The following PBX1 variants were observed in gnomAD, a reference collection of about 807,000 sequenced individuals.
PBX1 encodes pre-B-cell leukemia transcription factor 1.
PBX1 carries 6 observed loss-of-function variants against 53.4 expected under a neutral mutation model. That is an observed-to-expected ratio of 0.11 (90% confidence interval 0.06 to 0.22). The LOEUF (loss-of-function observed/expected upper bound fraction) is 0.22. Ranked by LOEUF, PBX1 falls within the 10% of genes least tolerant of loss-of-function variation. PBX1 has a pLI of 1.00. For synonymous variants in PBX1, 204 were observed against 212.3 expected (o/e 0.96, Z 0.34); for missense variants, 251 against 551.4 (o/e 0.46, Z 5.46).
chr1:164,658,860 T>G (rs1332576332), intron 2 of PBX1, among the ~76,000 whole-genome samples: 1 of 152,230 alleles, frequency 6.6e-6, no homozygotes, highest in Admixed American at 6.5e-5. Flanking sequence ...GAGGCTCTTA[T>G]TATCCCCATT....
At chr1:164,747,336 C>T (rs2035715) in intron 2 of PBX1, among the ~76,000 whole-genome samples, 70,144 of 148,676 alleles carry the variant, frequency 0.47, 16,595 homozygotes, top group South Asian at 0.64. Context: ...TATATATATA[C>T]ACACACACAC....
At chr1:164,590,559 C>A in intron 2 of PBX1, 1 of 440,448 alleles carries the variant, frequency 2.3e-6, no homozygotes, top group Non-Finnish European at 4.6e-6. Flanking sequence ...TCTTACTTGG[C>A]ATTGTGACCA....
intron 2 of PBX1, among the ~76,000 whole-genome samples, chr1:164,872,136 G>T (rs1418572134): frequency 6.6e-6 from 1 of 152,178 alleles, no homozygotes; most frequent in Non-Finnish European, 1.5e-5. Flanking sequence ...TTTTACAGAT[G>T]ATTTGTGGGG....
At chr1:164,863,492 G>T (rs961103042) in intron 2 of PBX1, among the ~76,000 whole-genome samples, 1 of 152,128 alleles carries the variant, frequency 6.6e-6, no homozygotes, top group South Asian at 2.1e-4. Context: ...GTCTAGTGGG[G>T]GTATCTAATA....
intron 2 of PBX1, among the ~76,000 whole-genome samples, chr1:164,706,527 C>T (rs1663435042): frequency 6.6e-6 from 1 of 152,132 alleles, no homozygotes; most frequent in South Asian, 2.1e-4. Context: ...CTACTAATGT[C>T]CATTCTAGTA....
intron 8 of PBX1, among the ~76,000 whole-genome samples, chr1:164,823,619 G>C (rs1170864901): frequency 1.1e-5 from 1 of 90,182 alleles, no homozygotes; most frequent in Non-Finnish European, 2.0e-5. Flanking sequence ...CTGGGGGGTG[G>C]GGGGGGGGGT....
intron 2 of PBX1, among the ~76,000 whole-genome samples, chr1:164,587,220 A>T (rs769073003): frequency 3.3e-5 from 5 of 152,170 alleles, no homozygotes; most frequent in Non-Finnish European, 7.3e-5. Flanking sequence ...TAAAAAGTGT[A>T]TGGGTGTGAT....
intron 2 of PBX1, among the ~76,000 whole-genome samples, chr1:164,879,912 C>T (rs1437107043): frequency 6.6e-6 from 1 of 152,140 alleles, no homozygotes; most frequent in African/African-American, 2.4e-5. Context: ...GCTGGGGGTG[C>T]TCCTTTACCT....
At chr1:164,695,639 G>A (rs934372845) in intron 2 of PBX1, among the ~76,000 whole-genome samples, 2 of 152,102 alleles carry the variant, frequency 1.3e-5, no homozygotes, top group East Asian at 1.9e-4. Flanking sequence ...TAGCATGTTC[G>A]TTTCCCCGTT....
intron 2 of PBX1, among the ~76,000 whole-genome samples, chr1:164,756,435 G>A (rs771052021): frequency 3.4e-4 from 52 of 152,208 alleles, no homozygotes; most frequent in Middle Eastern, 3.4e-3. Context: ...TAATTTACAC[G>A]TTTGTACACA....
At chr1:164,872,454 GA>G (rs1387795802) in intron 2 of PBX1, among the ~76,000 whole-genome samples, 1 of 152,152 alleles carries the variant, frequency 6.6e-6, no homozygotes, top group Non-Finnish European at 1.5e-5. Context: ...GAGCCTCCTT[GA>G]GCTTCTCTTG....
intron 2 of PBX1, among the ~76,000 whole-genome samples, chr1:164,651,436 C>T (rs1434376723): frequency 3.3e-5 from 5 of 152,206 alleles, no homozygotes; most frequent in Admixed American, 2.0e-4. Flanking sequence ...TCCCTACCCT[C>T]CGATGTCATT....
intron 2 of PBX1, among the ~76,000 whole-genome samples, chr1:164,871,866 T>TATAAG (rs751755845): frequency 6.6e-6 from 1 of 151,996 alleles, no homozygotes; most frequent in Non-Finnish European, 1.5e-5. Flanking sequence ...TCATAGCACA[T>TATAAG]GTTTAAACAA....
intron 8 of PBX1, among the ~76,000 whole-genome samples, chr1:164,844,160 T>G (rs2102415630): frequency 6.6e-6 from 1 of 151,254 alleles, no homozygotes; most frequent in Non-Finnish European, 1.5e-5. Context: ...CTTCATGACA[T>G]TGTACTTAAA....
intron 2 of PBX1, among the ~76,000 whole-genome samples, chr1:164,577,214 G>C (rs1654313952): frequency 1.3e-5 from 2 of 152,306 alleles, no homozygotes; most frequent in South Asian, 4.1e-4. Context: ...TTCCCCTAGG[G>C]AGATTTTTAA....
At chr1:164,699,416 G>A (rs969516548) in intron 2 of PBX1, among the ~76,000 whole-genome samples, 1 of 151,960 alleles carries the variant, frequency 6.6e-6, no homozygotes, top group Admixed American at 6.6e-5. Context: ...GTGTCTCCCC[G>A]AGAACAAAGA....
At chr1:164,583,696 T>G (rs1654774853) in intron 2 of PBX1, among the ~76,000 whole-genome samples, 1 of 152,240 alleles carries the variant, frequency 6.6e-6, no homozygotes, top group Non-Finnish European at 1.5e-5. Context: ...AATTTTTAGA[T>G]ACTCATTGCT....
At chr1:164,792,859 C>T (rs1211749758) in intron 3 of PBX1, 121 bp downstream of exon 3, 4 of 749,222 alleles carry the variant, frequency 5.3e-6, no homozygotes, top group Non-Finnish European at 8.4e-6. Flanking sequence ...TCCCTGTGCC[C>T]GGCATCCCCT....
chr1:164,776,282 C>T (rs1223357098), intron 2 of PBX1, among the ~76,000 whole-genome samples: 1 of 152,100 alleles, frequency 6.6e-6, no homozygotes, highest in East Asian at 1.9e-4. Flanking sequence ...GCAGAGAATC[C>T]GCATCCCCAG....
Sources: allele counts gnomAD v4.1 joint callset (sites outside exome capture counted in the v4.1 genomes callset), GRCh38; gene constraint gnomAD v4.1.1; transcripts MANE v1.5; gene names NCBI Gene and HGNC (gene_info 2026-07-23, HGNC 2026-07-21).